Variants in CFAP77 observed in about 807,000 individuals in gnomAD.
CFAP77 encodes the protein cilia and flagella associated protein 77, also known as cilia- and flagella-associated protein 77.
In CFAP77, 25 loss-of-function variants were observed where a neutral mutation model predicts 31.1. The observed-to-expected ratio is 0.80, with a 90% CI of 0.59 to 1.12. CFAP77 has a LOEUF of 1.12. Among genes scored for constraint, CFAP77 ranks in the 50% most tolerant of loss-of-function variants. The pLI is 0.00. For missense variants in CFAP77, 377 were observed against 397.3 expected, an observed-to-expected ratio of 0.95 and a Z score of 0.44; for synonymous variants, 151 against 159.9, an observed-to-expected ratio of 0.94 and a Z score of 0.42.
chr9:132,525,823 A>G (rs1283862297), intron 3 of CFAP77, among the ~76,000 whole-genome samples: 1 of 152,242 alleles, frequency 6.6e-6, no homozygotes, highest in Non-Finnish European at 1.5e-5. Context: ...CACAGCGTGT[A>G]ACCTTTTGAG....
At chr9:132,438,541 A>ATATATATATATATATATATATTTTTTTTT in intron 1 of CFAP77, among the ~76,000 whole-genome samples, 1 of 108,152 alleles carries the variant, frequency 9.2e-6, no homozygotes, top group African/African-American at 4.1e-5. Flanking sequence ...ATATATATAT[A>ATATATATATATATATATATATTTTTTTTT]TTTTTTTTTT....
chr9:132,471,707 G>GTT (rs1224352502), intron 1 of CFAP77, among the ~76,000 whole-genome samples: 4 of 151,700 alleles, frequency 2.6e-5, no homozygotes, highest in Non-Finnish European at 5.9e-5. Context: ...GTTTTGTTTT[G>GTT]TTTTGTTTGT....
rs187524400 is a variant in CFAP77 at position 132,515,755 on chromosome 9, C to T, written c.524+16155C>T. Among the ~76,000 whole-genome samples, 59 of 152,250 alleles carry T rather than the reference C, an allele frequency of 3.9e-4. No homozygotes were observed. In the East Asian group the frequency reaches 4.4e-3, roughly 11 times the overall value. ...GAACTTGCCTTGAAGCCTGAAGACT[C>T]GAGACTCAACACAGACCTCTCCCAT... On this transcript the variant is annotated intron_variant, in intron 3 of 5. Transcript: ENST00000393216.
Position 132,480,530 on chromosome 9 carries a change from G to A in CFAP77, c.196-18165G>A, listed in dbSNP as rs1416967501. The stretch of plus-strand genomic sequence containing the variant: ...CTACTGTGTGCCGGGCACCGGAGAC[G>A]CCACAGCAAATGAGACAGGTCTGTC... On this transcript the variant is annotated intron_variant, in intron 1 of 5. Coordinates refer to ENST00000393216, the MANE Select transcript of CFAP77 (RefSeq NM_001282957.2). This position sits in a 1 kb window ranked among gnomAD's most constrained non-coding sequence, Gnocchi z 5.8. 2.0e-5 allele frequency among the ~76,000 whole-genome samples: 3 copies of A among 152,180 alleles called. No individual in the cohort carries two copies. The highest frequency in any genetic ancestry group is 2.1e-4 in the South Asian group (1 of 4,832).
chr9:132,550,519 C>CTTTTTT (rs766424349), intron 5 of CFAP77, among the ~76,000 whole-genome samples: 15 of 102,818 alleles, frequency 1.5e-4, no homozygotes, highest in South Asian at 3.7e-4. Flanking sequence ...TCCCTTGAAG[C>CTTTTTT]TTTTTTTTTT....
rs1852174719 is a variant in CFAP77, at chr9:132,517,835, A to G, written c.524+18235A>G. On this transcript the variant is annotated intron_variant, in intron 3 of 5. Transcript: ENST00000393216. The surrounding 1 kb of genome is among the most constrained non-coding windows in gnomAD (Gnocchi z 4.7). Reference sequence around the variant, plus strand: ...TCCCCTGCACATCCCCTGTGCCTGCATCGGAGATCAACCCCTGGTCTGGGG... The same window carrying G: ...TCCCCTGCACATCCCCTGTGCCTGCGTCGGAGATCAACCCCTGGTCTGGGG... Among the ~76,000 whole-genome samples, 1 of 152,228 alleles carries G rather than the reference A, an allele frequency of 6.6e-6. No individual in the cohort carries two copies. Among genetic ancestry groups the G allele is most frequent in the Non-Finnish European group, 1.5e-5 (1 of 68,040 alleles).
At chr9:132,543,255 G>T (rs112763937) in intron 5 of CFAP77, among the ~76,000 whole-genome samples, 4 of 152,236 alleles carry the variant, frequency 2.6e-5, no homozygotes, top group African/African-American at 7.2e-5. Context: ...TTCACTGAAG[G>T]GGGCAGCTGC....
At chr9:132,550,148 C>G (rs1358137099) in intron 5 of CFAP77, among the ~76,000 whole-genome samples, 1 of 152,216 alleles carries the variant, frequency 6.6e-6, no homozygotes, top group East Asian at 1.9e-4. Context: ...CCAACAGGAC[C>G]AGTCCTACAA....
rs1315709753 is a variant in CFAP77 at position 132,482,963 on chromosome 9, A to ATTATTAT, written c.196-15732_196-15731insTTATTAT. Among the ~76,000 whole-genome samples, 1,200 of 151,242 alleles carry ATTATTAT rather than the reference A, an allele frequency of 7.9e-3. 11 individuals are homozygous for ATTATTAT. Among genetic ancestry groups the ATTATTAT allele is most frequent in the Middle Eastern group, 0.041 (12 of 292 alleles). On this transcript the variant is annotated intron_variant, in intron 1 of 5. Transcript: ENST00000393216. Reference sequence around the variant, plus strand: ...AACTTAAAGTATAATAATAATTTAAAAAAAAAAAAAAGAACGCACCCTTCC... The same window carrying ATTATTAT: ...AACTTAAAGTATAATAATAATTTAAATTATTATAAAAAAAAAAAGAACGCACCCTTCC...
chr9:132,428,814 C>CA (rs960231904), intron 1 of CFAP77, among the ~76,000 whole-genome samples: 1 of 151,442 alleles, frequency 6.6e-6, no homozygotes, highest in Non-Finnish European at 1.5e-5. Flanking sequence ...CTTTGAAGAC[C>CA]CCCCCCTGCT....
chr9:132,513,356 G>A (rs1014228564), intron 3 of CFAP77: 15 of 1,538,384 alleles, frequency 9.8e-6, no homozygotes, highest in East Asian at 4.9e-5. Flanking sequence ...GGCCGCTTTC[G>A]CTTCTGATCC....
At chr9:132,478,705 G>T (rs972952193) in intron 1 of CFAP77, among the ~76,000 whole-genome samples, 4 of 152,140 alleles carry the variant, frequency 2.6e-5, no homozygotes, top group Non-Finnish European at 5.9e-5. Flanking sequence ...AGAGGGCTGG[G>T]GCCGGAGATG....
chr9:132,507,541 A>C (rs1000580270), intron 3 of CFAP77, among the ~76,000 whole-genome samples: 8 of 152,162 alleles, frequency 5.3e-5, no homozygotes, highest in African/African-American at 1.9e-4. Context: ...GGATGCAGGA[A>C]ATTTTACAGG....
intron 1 of CFAP77, among the ~76,000 whole-genome samples, chr9:132,467,785 G>A (rs1000231056): frequency 1.3e-5 from 2 of 152,172 alleles, no homozygotes; most frequent in African/African-American, 4.8e-5. Context: ...GTTTTCCACA[G>A]CAGCTGTATC....
At chr9:132,537,426 A>C (rs1274386552) in intron 3 of CFAP77, among the ~76,000 whole-genome samples, 175 bp from the exon 4 acceptor site, 1 of 152,084 alleles carries the variant, frequency 6.6e-6, no homozygotes, top group African/African-American at 2.4e-5. Flanking sequence ...TCATCAGCCT[A>C]TGTGAGGGAC....
chr9:132,484,935 G>A (rs2118915499), intron 1 of CFAP77, among the ~76,000 whole-genome samples: 1 of 151,286 alleles, frequency 6.6e-6, no homozygotes, highest in Non-Finnish European at 1.5e-5. Flanking sequence ...TGCAACCTCT[G>A]CCTCCTGGGT....
chr9:132,477,364 G>A (rs11243789), intron 1 of CFAP77, among the ~76,000 whole-genome samples: 14,154 of 144,264 alleles, frequency 0.098, 1,637 homozygotes, highest in East Asian at 0.4. Flanking sequence ...TGGAGACAGC[G>A]CAGTGAGCAA....
At chr9:132,465,177 G>T (rs1460151668) in intron 1 of CFAP77, among the ~76,000 whole-genome samples, 2 of 151,522 alleles carry the variant, frequency 1.3e-5, no homozygotes, top group African/African-American at 4.8e-5. Flanking sequence ...GTGGCAAGTT[G>T]TCTGAAGGAG....
chr9:132,447,612 C>T lies in CFAP77; in HGVS notation c.195+37146C>T, dbSNP rs116974313. Among the ~76,000 whole-genome samples the T allele has an allele frequency of 3.9e-5, 6 of 152,350 alleles. 1 individual carries two copies. In the South Asian group the frequency reaches 1.0e-3, roughly 26 times the overall value. On this transcript the variant is annotated intron_variant, in intron 1 of 5. Coordinates refer to ENST00000393216, the MANE Select transcript of CFAP77 (RefSeq NM_001282957.2). ...TGCGGTCGGTCCGCGTAGATCAGCACGTCGGTTACACACAGCGTGTCCGCC... is the reference window on the plus strand; with the variant it reads ...TGCGGTCGGTCCGCGTAGATCAGCATGTCGGTTACACACAGCGTGTCCGCC...
Sources: allele counts gnomAD v4.1 joint callset (sites outside exome capture counted in the v4.1 genomes callset), GRCh38; gene constraint gnomAD v4.1.1; non-coding constraint Gnocchi (gnomAD v3.1); transcripts MANE v1.5; gene names NCBI Gene and HGNC (gene_info 2026-07-23, HGNC 2026-07-21).